Variants in TNNI3K observed in about 807,000 individuals in gnomAD.
TNNI3K encodes TNNI3 interacting kinase.
A neutral mutation model predicts 114.5 loss-of-function variants in TNNI3K; 140 were observed. The ratio of observed to expected loss-of-function variants is 1.22; its 90% CI spans 1.07 to 1.41. The LOEUF is 1.41. Ranked by LOEUF, TNNI3K falls within the 40% of genes most tolerant of loss-of-function variation. TNNI3K has a pLI of 0.00. For missense variants in TNNI3K, 1,125 were observed against 1,007.6 expected (o/e 1.12, Z -1.58); for synonymous variants, 347 against 347.5 (o/e 1.00, Z 0.02).
Position 74,463,426 on chromosome 1 carries a change from C to T in TNNI3K, c.2012-15C>T. The T allele has an allele frequency of 6.2e-7, 1 of 1,613,858 alleles. No individual in the cohort carries two copies. Among genetic ancestry groups the T allele is most frequent in the Non-Finnish European group, 8.5e-7 (1 of 1,179,808 alleles). On this transcript the variant is annotated splice_polypyrimidine_tract_variant and intron_variant, in intron 20 of 24. Coordinates refer to ENST00000326637, the MANE Select transcript of TNNI3K (RefSeq NM_015978.3). ...CATGTGAATTTCAAAACTGACATGACCATTTGGTTTGCAGCGGCTGCGGCA... is the reference window on the plus strand; with the variant it reads ...CATGTGAATTTCAAAACTGACATGATCATTTGGTTTGCAGCGGCTGCGGCA...
chr1:74,281,068 C>G (rs1041984888), intron 5 of TNNI3K, among the ~76,000 whole-genome samples: 2 of 152,144 alleles, frequency 1.3e-5, no homozygotes, highest in African/African-American at 4.8e-5. Context: ...TAGACCCACC[C>G]TGGGACAGAA....
At chr1:74,285,206 C>T (rs535952909) in intron 5 of TNNI3K, among the ~76,000 whole-genome samples, 1 of 152,154 alleles carries the variant, frequency 6.6e-6, no homozygotes, top group Non-Finnish European at 1.5e-5. Context: ...ATTCAAGGGA[C>T]TCACTAACAC....
chr1:74,366,246 A>G (rs1248759066), intron 11 of TNNI3K, among the ~76,000 whole-genome samples: 1 of 152,030 alleles, frequency 6.6e-6, no homozygotes, highest in Non-Finnish European at 1.5e-5. Flanking sequence ...CACAAATCCT[A>G]TGGCAACATC....
intron 7 of TNNI3K, 91 bp from the exon 8 acceptor site, chr1:74,342,751 G>T: frequency 2.7e-6 from 4 of 1,469,450 alleles, no homozygotes; most frequent in Non-Finnish European, 3.7e-6. Context: ...AATCACTCAG[G>T]CACTTAGAAA....
intron 21 of TNNI3K, among the ~76,000 whole-genome samples, chr1:74,478,227 T>A (rs1419177180): frequency 6.6e-6 from 1 of 152,146 alleles, no homozygotes; most frequent in South Asian, 2.1e-4. Context: ...AAGAAGAATC[T>A]CTTCTCAAAG....
In TNNI3K at chr1:74,385,985, G is replaced by A. The variant is rs563903497; in HGVS notation, c.1772+15593G>A. On this transcript the variant is annotated intron_variant, in intron 17 of 24. Coordinates refer to ENST00000326637, the MANE Select transcript of TNNI3K (RefSeq NM_015978.3). ...GTGTCGTGGGAGGGACCCAGTGGGA[G>A]GTAATTGAATGATGGGGATTAGTCT... Among the ~76,000 whole-genome samples, 35 of 152,342 alleles carry A rather than the reference G, an allele frequency of 2.3e-4. No homozygotes were observed. In the South Asian group the frequency reaches 7.2e-3, roughly 32 times the overall value.
At chr1:74,455,433 T>C (rs1207753142) in intron 20 of TNNI3K, among the ~76,000 whole-genome samples, 1 of 152,134 alleles carries the variant, frequency 6.6e-6, no homozygotes, top group Non-Finnish European at 1.5e-5. Flanking sequence ...AATGTAAAAC[T>C]GGAACCAGAT....
rs537175164 is a variant in TNNI3K at position 74,281,847 on chromosome 1, G to T, written c.444+10139G>T. Reference sequence around the variant, plus strand: ...TAGATGAGTCTTTTGGAACTTCCTGGTTTACAATTAAATTCCAATATATGG... The same window carrying T: ...TAGATGAGTCTTTTGGAACTTCCTGTTTTACAATTAAATTCCAATATATGG... On this transcript the variant is annotated intron_variant, in intron 5 of 24. Coordinates refer to ENST00000326637, the MANE Select transcript of TNNI3K (RefSeq NM_015978.3). 3.9e-5 allele frequency among the ~76,000 whole-genome samples: 6 copies of T among 151,996 alleles called. No homozygotes were observed. The East Asian group carries it at 1.2e-3, about 29-fold the overall frequency.
intron 21 of TNNI3K, chr1:74,480,324 C>T (rs1363077115): frequency 5.6e-6 from 4 of 717,622 alleles, no homozygotes; most frequent in Non-Finnish European, 7.8e-6. Context: ...CAATTTAGGT[C>T]CTTGGCATTC....
At chr1:74,366,290 A>G (rs1402573931) in intron 11 of TNNI3K, among the ~76,000 whole-genome samples, 2 of 152,038 alleles carry the variant, frequency 1.3e-5, no homozygotes, top group Admixed American at 6.6e-5. Context: ...TTTGTAAATT[A>G]GCTTCATAGA....
intron 2 of TNNI3K, among the ~76,000 whole-genome samples, chr1:74,236,829 T>C (rs755110599): frequency 6.6e-6 from 1 of 151,828 alleles, no homozygotes; most frequent in Non-Finnish European, 1.5e-5. Context: ...AAGACCCTTA[T>C]ATACACAAAA....
chr1:74,420,641 C>T (rs1466281708), intron 17 of TNNI3K, among the ~76,000 whole-genome samples: 1 of 152,090 alleles, frequency 6.6e-6, no homozygotes, highest in African/African-American at 2.4e-5. Flanking sequence ...TAAGCAGCTG[C>T]ATTCAAACTG....
chr1:74,383,391 A>C (rs2100552722), intron 17 of TNNI3K, among the ~76,000 whole-genome samples: 1 of 152,104 alleles, frequency 6.6e-6, no homozygotes, highest in Non-Finnish European at 1.5e-5. Flanking sequence ...TATAGCTCTT[A>C]ATACATGCTA....
At chr1:74,294,582 A>G (rs1471833586) in intron 5 of TNNI3K, among the ~76,000 whole-genome samples, 2 of 152,064 alleles carry the variant, frequency 1.3e-5, no homozygotes, top group Non-Finnish European at 2.9e-5. Context: ...TTGAGAGCTG[A>G]AGGAAAACTT....
At chr1:74,296,946 A>C (rs943914353) in intron 5 of TNNI3K, among the ~76,000 whole-genome samples, 2 of 152,122 alleles carry the variant, frequency 1.3e-5, no homozygotes, top group African/African-American at 2.4e-5. Context: ...TATTAATTGA[A>C]TATGTGGCTT....
intron 5 of TNNI3K, among the ~76,000 whole-genome samples, chr1:74,325,014 A>T (rs1659823554): frequency 6.6e-6 from 1 of 152,186 alleles, no homozygotes; most frequent in South Asian, 2.1e-4. Flanking sequence ...TCGGGGAAGA[A>T]TAAGCTGAAG....
chr1:74,537,359 A>G (rs974080860), intron 23 of TNNI3K, among the ~76,000 whole-genome samples: 1 of 152,132 alleles, frequency 6.6e-6, no homozygotes, highest in Admixed American at 6.6e-5. Flanking sequence ...TTGAGAAAAC[A>G]TTATGTCCCA....
chr1:74,414,491 A>C (rs699846), intron 17 of TNNI3K, among the ~76,000 whole-genome samples: 136,986 of 152,256 alleles, frequency 0.9, 61,619 homozygotes, highest in East Asian at 0.97. Context: ...ATGCCTTTTA[A>C]ATTGTTGTGC....
At chr1:74,518,207 G>C (rs1646376374) in intron 23 of TNNI3K, among the ~76,000 whole-genome samples, 2 of 152,054 alleles carry the variant, frequency 1.3e-5, no homozygotes, top group Admixed American at 1.3e-4. Flanking sequence ...GCTGATCAAT[G>C]GAGGAAAAAA....
Sources: allele counts gnomAD v4.1 joint callset (sites outside exome capture counted in the v4.1 genomes callset), GRCh38; gene constraint gnomAD v4.1.1; transcripts MANE v1.5; gene names NCBI Gene and HGNC (gene_info 2026-07-23, HGNC 2026-07-21).